Variants in FBXL13 observed in about 807,000 individuals in gnomAD.
FBXL13 encodes F-box and leucine-rich repeat protein 13.
FBXL13 carries 67 observed loss-of-function variants against 83.6 expected under a neutral mutation model. The observed-to-expected ratio is 0.80, with a 90% confidence interval of 0.66 to 0.98. The LOEUF (loss-of-function observed/expected upper bound fraction) is 0.98. FBXL13 is among the 50% of genes least tolerant of loss of function. The pLI, the probability that FBXL13 is intolerant of heterozygous loss-of-function variation, is 0.00. For synonymous variants in FBXL13, 272 were observed against 299.5 expected (o/e 0.91, Z 0.95); for missense variants, 822 against 866.5 (o/e 0.95, Z 0.64).
chr7:102,977,496 C>G (rs1281874247), intron 6 of FBXL13, among the ~76,000 whole-genome samples: 1 of 152,152 alleles, frequency 6.6e-6, no homozygotes, highest in Admixed American at 6.5e-5. Flanking sequence ...AGGATGGGAC[C>G]TGGCAAACCT....
intron 8 of FBXL13, chr7:102,942,434 A>T (rs1414316299): frequency 8.6e-7 from 1 of 1,167,644 alleles, no homozygotes; most frequent in African/African-American, 1.6e-5. Flanking sequence ...GAAAAGAGAA[A>T]GAAGATACCC....
intron 2 of FBXL13, among the ~76,000 whole-genome samples, chr7:103,039,548 G>C (rs1194006416): frequency 2.0e-5 from 3 of 151,898 alleles, no homozygotes; most frequent in African/African-American, 7.3e-5. Flanking sequence ...GTTGAAATGA[G>C]GGAAAAAATG....
At position 102,973,211 on chromosome 7, in the gene FBXL13, G is replaced by T. The variant is rs538481549; in HGVS notation, c.496-5094C>A. The T allele has an allele frequency of 3.0e-5, 7 of 235,432 alleles. No individual in the cohort carries two copies. The East Asian group carries it at 9.5e-4, about 32-fold the overall frequency. The allele number at this position is 235,432 out of a possible 1,614,324, so 14.6% of individuals were successfully genotyped here. ...TTTCATTTGTGTTCATTTTGTTTTT[G>T]AAAGATTCTCCCCAACGCCCGAAAG... On this transcript the variant is annotated intron_variant, in intron 6 of 19. Coordinates refer to ENST00000313221, the Ensembl canonical transcript of FBXL13.
chr7:102,861,600 G>T (rs183884331), intron 16 of FBXL13, among the ~76,000 whole-genome samples: 3 of 152,272 alleles, frequency 2.0e-5, no homozygotes, highest in Admixed American at 2.0e-4. Flanking sequence ...AGATGTTATA[G>T]TACACCCAGA....
chr7:102,947,228 G>C lies in FBXL13; in HGVS notation c.725-15295C>G, dbSNP rs74751640. On this transcript the variant is annotated intron_variant, in intron 8 of 19. Transcript: ENST00000313221. ...GAGCCAAGATTTGATGATGGAAAAA[G>C]CCTGGTGTGACAACAGAATCACACT... Among the ~76,000 whole-genome samples the C allele has an allele frequency of 7.8e-3, 1,189 of 152,288 alleles. 85 individuals carry two copies. The East Asian group carries it at 0.16, about 20-fold the overall frequency.
chr7:102,885,765 G>C (rs542334554), intron 11 of FBXL13, among the ~76,000 whole-genome samples: 2 of 152,068 alleles, frequency 1.3e-5, no homozygotes, highest in East Asian at 3.9e-4. Context: ...CTTATATTTA[G>C]GTTATTGACC....
intron 17 of FBXL13, among the ~76,000 whole-genome samples, chr7:102,843,907 G>A (rs575572524): frequency 9.2e-5 from 14 of 152,302 alleles, no homozygotes; most frequent in Admixed American, 8.5e-4. Flanking sequence ...CTCTACTGCC[G>A]TTTATACTCC....
At chr7:103,020,120 T>C (rs1792951008) in intron 6 of FBXL13, among the ~76,000 whole-genome samples, 1 of 152,162 alleles carries the variant, frequency 6.6e-6, no homozygotes, top group Non-Finnish European at 1.5e-5. Context: ...AAAAAGCTTA[T>C]CCACCATGAT....
chr7:103,071,211 GA>G (rs1373624473), intron 1 of FBXL13, among the ~76,000 whole-genome samples: 1 of 149,588 alleles, frequency 6.7e-6, no homozygotes, highest in African/African-American at 2.5e-5. Flanking sequence ...ACAAGGTAAA[GA>G]AAAAGAAAAA....
At chr7:102,869,378 C>A (rs764274442) in intron 16 of FBXL13, among the ~76,000 whole-genome samples, 1 of 152,056 alleles carries the variant, frequency 6.6e-6, no homozygotes, top group South Asian at 2.1e-4. Context: ...GATATTGAAC[C>A]CTTGTCACGT....
intron 16 of FBXL13, among the ~76,000 whole-genome samples, chr7:102,857,997 C>T (rs1806277772): frequency 6.6e-6 from 1 of 152,192 alleles, no homozygotes; most frequent in Admixed American, 6.5e-5. Context: ...GATACCTACA[C>T]TCCCATGTTT....
intron 8 of FBXL13, among the ~76,000 whole-genome samples, chr7:102,952,843 G>T (rs1332870392): frequency 2.0e-5 from 3 of 152,088 alleles, no homozygotes; most frequent in African/African-American, 7.2e-5. Flanking sequence ...AATTAGCTGG[G>T]TGTGGTGGCA....
chr7:103,002,050 G>A (rs1790456152), intron 6 of FBXL13, among the ~76,000 whole-genome samples: 1 of 151,910 alleles, frequency 6.6e-6, no homozygotes, highest in South Asian at 2.1e-4. Context: ...CTTGTCTTCT[G>A]GTTGTTTTGA....
In FBXL13 at chr7:102,885,175, A is replaced by G. The variant is rs143867689; in HGVS notation, c.1009-863T>C. Reference sequence around the variant, plus strand: ...AGAAGAATTGCTGGATCATATGGCAATTCTATGCTTAATTTTTAAGAACCA... The same window carrying G: ...AGAAGAATTGCTGGATCATATGGCAGTTCTATGCTTAATTTTTAAGAACCA... On this transcript the variant is annotated intron_variant, in intron 11 of 19. Coordinates refer to ENST00000313221, the Ensembl canonical transcript of FBXL13. Among the ~76,000 whole-genome samples the G allele has an allele frequency of 3.8e-3, 579 of 152,266 alleles. 5 individuals are homozygous for G. The highest frequency in any genetic ancestry group is 0.014 in the African/African-American group (572 of 41,552).
At chr7:102,907,214 T>C (rs144767463) in intron 11 of FBXL13, among the ~76,000 whole-genome samples, 1 of 152,338 alleles carries the variant, frequency 6.6e-6, no homozygotes, top group Non-Finnish European at 1.5e-5. Context: ...AAAAACTTTC[T>C]ACTTCTATCT....
At chr7:102,990,631 A>G (rs1226283132) in intron 6 of FBXL13, among the ~76,000 whole-genome samples, 3 of 152,206 alleles carry the variant, frequency 2.0e-5, no homozygotes, top group Admixed American at 6.5e-5. Context: ...GACTCTGGGA[A>G]CAGAGAGGAA....
intron 8 of FBXL13, among the ~76,000 whole-genome samples, chr7:102,955,755 C>T (rs1824164095): frequency 6.6e-6 from 1 of 152,000 alleles, no homozygotes; most frequent in Admixed American, 6.5e-5. Flanking sequence ...CTATAAACAC[C>T]TCTATGCAAA....
At chr7:103,014,921 CA>C (rs1166056647) in intron 6 of FBXL13, among the ~76,000 whole-genome samples, 1,366 of 20,510 alleles carry the variant, frequency 0.067, 6 homozygotes, top group African/African-American at 0.15. Flanking sequence ...GACTCCGTCT[CA>C]AAAAAAAAAA....
chr7:103,045,269 A>G (rs1164435371), intron 2 of FBXL13, among the ~76,000 whole-genome samples: 1 of 152,224 alleles, frequency 6.6e-6, no homozygotes, highest in Non-Finnish European at 1.5e-5. Flanking sequence ...AGCTATTGAT[A>G]CACGTGCATA....
Sources: allele counts gnomAD v4.1 joint callset (sites outside exome capture counted in the v4.1 genomes callset), GRCh38; gene constraint gnomAD v4.1.1; transcripts MANE v1.5; gene names NCBI Gene and HGNC (gene_info 2026-07-23, HGNC 2026-07-21).